Variants in TAFA1 observed in about 807,000 individuals in gnomAD.
TAFA1 encodes chemokine-like protein TAFA-1.
In TAFA1, 4 loss-of-function variants were observed where a neutral mutation model predicts 18.5. The ratio of observed to expected loss-of-function variants is 0.22; its 90% CI spans 0.11 to 0.49. The LOEUF is 0.49. Among genes scored for constraint, TAFA1 ranks in the 20% least tolerant of loss-of-function variants. TAFA1 has a pLI of 0.98. For synonymous variants in TAFA1, 56 were observed against 55.2 expected (o/e 1.01, Z -0.06); for missense variants, 147 against 169.0 (o/e 0.87, Z 0.72).
At chr3:68,510,403 GC>G (rs1481587843) in intron 3 of TAFA1, among the ~76,000 whole-genome samples, 3 of 152,040 alleles carry the variant, frequency 2.0e-5, no homozygotes, top group Non-Finnish European at 4.4e-5. Flanking sequence ...GAGGATTCAG[GC>G]CCAATCATAC....
Position 68,322,281 on chromosome 3 carries a change from AT to A in TAFA1, c.119-94996del, listed in dbSNP as rs150572854. Among the ~76,000 whole-genome samples, 1,130 of 152,370 alleles carry A rather than the reference AT, an allele frequency of 7.4e-3. 15 individuals carry two copies. Among genetic ancestry groups the A allele is most frequent in the African/African-American group, 0.026 (1,098 of 41,586 alleles). ...AGTATTTTAACATACTCATTAAATT[AT>A]TTAAAGCTCAATCCTTAAGTAAAAT... On this transcript the variant is annotated intron_variant, in intron 2 of 4. Coordinates refer to ENST00000478136, the MANE Select transcript of TAFA1 (RefSeq NM_213609.4).
intron 3 of TAFA1, among the ~76,000 whole-genome samples, chr3:68,514,851 T>C (rs1046122262): frequency 6.6e-6 from 1 of 152,228 alleles, no homozygotes; most frequent in African/African-American, 2.4e-5. Flanking sequence ...TTTTTAGTTG[T>C]ATATGACAGC....
rs569921525 is a variant in TAFA1, at chr3:68,212,778, G to T, written c.119-204502G>T. Among the ~76,000 whole-genome samples, 5 of 152,120 alleles carry T rather than the reference G, an allele frequency of 3.3e-5. No homozygotes were observed. In the East Asian group the frequency reaches 9.7e-4, roughly 30 times the overall value. On this transcript the variant is annotated intron_variant, in intron 2 of 4. Transcript: ENST00000478136. ...AAAAGTTGAGGCAATGGTGGTCAGA[G>T]TTGGAGAAAGGGGATGGTTGCCATG...
rs2064544784 is a variant in TAFA1, at chr3:68,056,982, A to T, written c.118+50238A>T. ...TAAGTTGACATCATCATAGTAAGGG[A>T]GTGGCTGACTGGTCACGACTTATTA... is the stretch of plus-strand genomic sequence containing the variant. On this transcript the variant is annotated intron_variant, in intron 2 of 4. Coordinates refer to ENST00000478136, the MANE Select transcript of TAFA1 (RefSeq NM_213609.4). 2.0e-5 allele frequency among the ~76,000 whole-genome samples: 3 copies of T among 152,124 alleles called. No homozygotes were observed. In the South Asian group the frequency reaches 6.2e-4, roughly 32 times the overall value.
chr3:68,309,120 A>T (rs376193936), intron 2 of TAFA1, among the ~76,000 whole-genome samples: 1 of 152,104 alleles, frequency 6.6e-6, no homozygotes, highest in Non-Finnish European at 1.5e-5. Context: ...TTCAAGGTTT[A>T]CCTTACCCCT....
At chr3:68,397,784 C>G (rs922411190) in intron 2 of TAFA1, among the ~76,000 whole-genome samples, 1 of 152,072 alleles carries the variant, frequency 6.6e-6, no homozygotes, top group East Asian at 1.9e-4. Context: ...CCACCAACAG[C>G]GTAAAAGTGT....
chr3:68,381,708 A>C (rs1023767097), intron 2 of TAFA1, among the ~76,000 whole-genome samples: 1 of 152,172 alleles, frequency 6.6e-6, no homozygotes, highest in African/African-American at 2.4e-5. Context: ...CAATCATGTC[A>C]TCTGCAAACA....
At chr3:68,026,170 C>T (rs2106808390) in intron 2 of TAFA1, among the ~76,000 whole-genome samples, 1 of 151,958 alleles carries the variant, frequency 6.6e-6, no homozygotes, top group South Asian at 2.1e-4. Context: ...GAAATTCCTC[C>T]CTTGCTTCAG....
chr3:68,053,082 C>A (rs1179603077), intron 2 of TAFA1, among the ~76,000 whole-genome samples: 2 of 152,148 alleles, frequency 1.3e-5, no homozygotes, highest in East Asian at 1.9e-4. Flanking sequence ...CAGATTACCC[C>A]TGGAGTATCT....
At chr3:68,481,724 C>A (rs543101522) in intron 3 of TAFA1, among the ~76,000 whole-genome samples, 74 of 152,210 alleles carry the variant, frequency 4.9e-4, no homozygotes, top group Middle Eastern at 6.8e-3. Flanking sequence ...ATCAATATGT[C>A]GTAGCTTTTT....
At chr3:68,286,350 C>T (rs2068006593) in intron 2 of TAFA1, among the ~76,000 whole-genome samples, 1 of 151,936 alleles carries the variant, frequency 6.6e-6, no homozygotes, top group South Asian at 2.1e-4. Flanking sequence ...CAAGAGAAAA[C>T]TGTTGGCTGT....
rs547626409 is a variant in TAFA1, at chr3:68,109,148, T to C, written c.118+102404T>C. 9.6e-4 allele frequency among the ~76,000 whole-genome samples: 146 copies of C among 152,174 alleles called. 1 individual carries two copies. The highest frequency in any genetic ancestry group is 6.0e-3 in the South Asian group (29 of 4,820). ...TTTGCTTGCTTCTGTGACAGTCCCT[T>C]TGGATAGGTTAGAAGCAGATTTTTG... On this transcript the variant is annotated intron_variant, in intron 2 of 4. Coordinates refer to ENST00000478136, the MANE Select transcript of TAFA1 (RefSeq NM_213609.4).
At chr3:68,078,085 G>A (rs1296510828) in intron 2 of TAFA1, among the ~76,000 whole-genome samples, 2 of 151,638 alleles carry the variant, frequency 1.3e-5, no homozygotes, top group African/African-American at 4.8e-5. Flanking sequence ...GTGAATGGGA[G>A]TTCACTCATG....
intron 2 of TAFA1, among the ~76,000 whole-genome samples, chr3:68,080,795 A>C (rs1188151631): frequency 1.3e-5 from 2 of 151,902 alleles, no homozygotes; most frequent in Non-Finnish European, 1.5e-5. Flanking sequence ...TGTGTCTTGG[A>C]GTTGGTCTTC....
chr3:67,994,506 A>T, the TAFA1 span, among the ~76,000 whole-genome samples: 2 of 152,220 alleles, frequency 1.3e-5, no homozygotes, highest in Non-Finnish European at 2.9e-5. Context: ...GATTCCAAGT[A>T]ACAACAGAAA....
At chr3:68,494,876 A>G (rs563303132) in intron 3 of TAFA1, among the ~76,000 whole-genome samples, 1 of 152,376 alleles carries the variant, frequency 6.6e-6, no homozygotes, top group East Asian at 1.9e-4. Context: ...TTTAAAAATG[A>G]TCAATTTTGT....
chr3:68,303,866 A>C (rs2068357464), intron 2 of TAFA1, among the ~76,000 whole-genome samples: 2 of 152,186 alleles, frequency 1.3e-5, no homozygotes, highest in South Asian at 4.1e-4. Context: ...CCTTTTCCTT[A>C]TCAAAAAAAA....
chr3:68,466,115 G>T (rs1468956532), intron 3 of TAFA1, among the ~76,000 whole-genome samples: 1 of 152,004 alleles, frequency 6.6e-6, no homozygotes, highest in African/African-American at 2.4e-5. Flanking sequence ...ATAGGCTTAT[G>T]AATTTCCTGG....
At chr3:68,182,521 C>T (rs2066217355) in intron 2 of TAFA1, among the ~76,000 whole-genome samples, 1 of 152,078 alleles carries the variant, frequency 6.6e-6, no homozygotes. Flanking sequence ...AATTATTGTA[C>T]CAGGTTATTG....
Sources: gnomAD v4.1 joint callset for allele counts (sites outside exome capture counted in the v4.1 genomes callset) on GRCh38, gnomAD v4.1.1 for gene constraint, MANE v1.5 for transcripts, NCBI Gene and HGNC (gene_info 2026-07-23, HGNC 2026-07-21) for gene names.